Variants in MEGF10 observed in about 807,000 individuals in gnomAD.
MEGF10 encodes the protein multiple epidermal growth factor-like domains protein 10.
A neutral mutation model predicts 147.5 loss-of-function variants in MEGF10; 86 were observed. That is an observed-to-expected ratio of 0.58 (90% CI 0.49 to 0.70). The LOEUF is 0.70. Among genes scored for constraint, MEGF10 ranks in the 30% least tolerant of loss-of-function variants. MEGF10 has a pLI of 0.00. For synonymous variants in MEGF10, 478 were observed against 525.5 expected (o/e 0.91, Z 1.24); for missense variants, 1,329 against 1,487.3 (o/e 0.89, Z 1.75).
At chr5:127,366,350 T>C (rs1762652189) in intron 4 of MEGF10, among the ~76,000 whole-genome samples, 2 of 152,162 alleles carry the variant, frequency 1.3e-5, no homozygotes, top group African/African-American at 2.4e-5. Context: ...GAAAAGGGCA[T>C]GCAGCAGAGA....
intron 18 of MEGF10, 84 bp downstream of exon 18, chr5:127,440,951 G>A: frequency 3.9e-6 from 6 of 1,535,882 alleles, no homozygotes; most frequent in Non-Finnish European, 5.3e-6. Context: ...TATTAAGGCA[G>A]AATTCACCAC....
intron 1 of MEGF10, among the ~76,000 whole-genome samples, chr5:127,320,830 C>T (rs1760760156): frequency 1.3e-5 from 2 of 152,214 alleles, no homozygotes; most frequent in Admixed American, 6.5e-5. Flanking sequence ...GGTCACTCTG[C>T]TTCCTGGTCT....
In MEGF10 at chr5:127,340,644, T is replaced by A. The variant is rs745781119; in HGVS notation, c.319+14T>A. ...AAATGTGTGTCCGTAAGTAAGACTGTCACCCCTTTGAGATTCGCTAGTTTT... is the reference window on the plus strand; with the variant it reads ...AAATGTGTGTCCGTAAGTAAGACTGACACCCCTTTGAGATTCGCTAGTTTT... On this transcript the variant is annotated intron_variant, in intron 4 of 24. Transcript: ENST00000503335. The A allele has an allele frequency of 1.9e-6, 3 of 1,604,770 alleles. No homozygotes were observed. The highest frequency in any genetic ancestry group is 3.3e-4 in the Middle Eastern group (2 of 6,022).
intron 5 of MEGF10, among the ~76,000 whole-genome samples, chr5:127,391,160 G>T (rs1353201901): frequency 5.8e-5 from 1 of 17,172 alleles, no homozygotes; most frequent in Non-Finnish European, 2.4e-4. Flanking sequence ...ACACATACAT[G>T]CTTATTTCTT....
rs568239211 is a variant in MEGF10, at chr5:127,417,083, G to A, written c.1131-555G>A. Among the ~76,000 whole-genome samples the A allele has an allele frequency of 4.9e-4, 75 of 152,342 alleles. 1 individual carries two copies. The highest frequency in any genetic ancestry group is 1.8e-3 in the African/African-American group (74 of 41,590). On this transcript the variant is annotated intron_variant, in intron 9 of 24. Transcript: ENST00000503335. ...AGCATGCCACAGAGGGCCCTATTGT[G>A]TCAACTCACTTACGCGTGCATCTCA...
At position 127,370,895 on chromosome 5, in the gene MEGF10, G is replaced by A. The variant is rs141783435; in HGVS notation, c.412+893G>A. ...TTACATTTTGAAAAAGGAAGCCATC[G>A]TTTTAAAAAGTTAGCAAGTTCGCAT... On this transcript the variant is annotated intron_variant, in intron 5 of 24. Transcript: ENST00000503335. 1.6e-4 allele frequency among the ~76,000 whole-genome samples: 24 copies of A among 152,242 alleles called. No individual in the cohort carries two copies. In the East Asian group the frequency reaches 4.0e-3, roughly 26 times the overall value.
chr5:127,454,952 A>G (rs1010791922), intron 23 of MEGF10, among the ~76,000 whole-genome samples: 3 of 152,172 alleles, frequency 2.0e-5, no homozygotes, highest in Non-Finnish European at 2.9e-5. Flanking sequence ...CATGTTGACC[A>G]AGTTCTGCTG....
the MEGF10 span, among the ~76,000 whole-genome samples, chr5:127,258,396 G>T: frequency 6.6e-6 from 1 of 152,112 alleles, no homozygotes; most frequent in Admixed American, 6.5e-5. Context: ...ATAGAACAGA[G>T]TTATAAGTAC....
chr5:127,297,475 G>C (rs1423027358), intron 1 of MEGF10, among the ~76,000 whole-genome samples: 1 of 152,108 alleles, frequency 6.6e-6, no homozygotes, highest in East Asian at 1.9e-4. Flanking sequence ...GTAAGCCTGG[G>C]TATAGTAAGA....
chr5:127,254,159 T>G, the MEGF10 span, among the ~76,000 whole-genome samples: 43 of 152,230 alleles, frequency 2.8e-4, no homozygotes, highest in African/African-American at 9.9e-4. Flanking sequence ...TGTTTTTCTT[T>G]TTCAGTTTTG....
intron 20 of MEGF10, among the ~76,000 whole-genome samples, chr5:127,447,353 A>G (rs1765975211): frequency 6.6e-6 from 1 of 151,376 alleles, no homozygotes; most frequent in Non-Finnish European, 1.5e-5. Flanking sequence ...TTTTTTTTGT[A>G]CTTTTAGTAG....
chr5:127,291,483 C>T (rs1472583517), intron 1 of MEGF10, among the ~76,000 whole-genome samples: 1 of 152,156 alleles, frequency 6.6e-6, no homozygotes. Flanking sequence ...GGGATCTTCA[C>T]TGTTTTCTAA....
the MEGF10 span, among the ~76,000 whole-genome samples, chr5:127,257,882 T>C: frequency 2.0e-5 from 3 of 152,212 alleles, no homozygotes; most frequent in Non-Finnish European, 4.4e-5. Context: ...TTGAAAGTGG[T>C]AAGAGCTGTC....
chr5:127,404,504 T>G (rs1234379320), intron 8 of MEGF10, among the ~76,000 whole-genome samples: 2 of 152,084 alleles, frequency 1.3e-5, no homozygotes, highest in Admixed American at 1.3e-4. Context: ...GGCTCTTCAC[T>G]TTGTTGATTG....
In MEGF10 at chr5:127,403,205, C is replaced by G. The variant is rs569385743; in HGVS notation, c.917+523C>G. On this transcript the variant is annotated intron_variant, in intron 8 of 24. Transcript: ENST00000503335. ...AATGGCTGTGCTCATGCGGGTCTTA[C>G]TGCCGCTGTTTATCATCCTCTGTAT... Among the ~76,000 whole-genome samples, 9 of 152,348 alleles carry G rather than the reference C, an allele frequency of 5.9e-5. No individual in the cohort carries two copies. In the South Asian group the frequency reaches 6.2e-4, roughly 11 times the overall value.
At chr5:127,371,325 G>A (rs1206022461) in intron 5 of MEGF10, among the ~76,000 whole-genome samples, 1 of 151,792 alleles carries the variant, frequency 6.6e-6, no homozygotes, top group East Asian at 1.9e-4. Flanking sequence ...TTGGAAATCA[G>A]GAGGAGAGTG....
In MEGF10 at chr5:127,298,246, C is replaced by T. The variant is rs942137973; in HGVS notation, c.-19+7190C>T. Among the ~76,000 whole-genome samples the T allele has an allele frequency of 3.3e-5, 5 of 152,174 alleles. No homozygotes were observed. The East Asian group carries it at 9.6e-4, about 29-fold the overall frequency. On this transcript the variant is annotated intron_variant, in intron 1 of 24. Transcript: ENST00000503335. ...CTTCAGCGCTGTCCTGCTGTCCCTG[C>T]ACTCCTCCTCTCTTGCTCACTGATG...
intron 21 of MEGF10, among the ~76,000 whole-genome samples, chr5:127,447,994 CG>C (rs1238216702): frequency 4.6e-5 from 7 of 152,130 alleles, no homozygotes; most frequent in Non-Finnish European, 8.8e-5. Context: ...TTTAGAAAAA[CG>C]TTTCTAATTT....
chr5:127,346,640 A>C (rs1244674877), intron 4 of MEGF10, among the ~76,000 whole-genome samples: 6 of 151,882 alleles, frequency 4.0e-5, no homozygotes, highest in Non-Finnish European at 8.8e-5. Flanking sequence ...GATTGTGAAG[A>C]TTTTCTCCCA....
Sources: gnomAD v4.1 joint callset for allele counts (sites outside exome capture counted in the v4.1 genomes callset) on GRCh38, gnomAD v4.1.1 for gene constraint, MANE v1.5 for transcripts, NCBI Gene and HGNC (gene_info 2026-07-23, HGNC 2026-07-21) for gene names.